The following CLSTN2 variants were observed in gnomAD, a reference collection of about 807,000 sequenced individuals.
CLSTN2 encodes the protein calsyntenin 2.
Under a neutral mutation model 101.2 loss-of-function variants are expected in CLSTN2, and 48 were observed. That is an observed-to-expected ratio of 0.47 (90% CI 0.38 to 0.60). The LOEUF (loss-of-function observed/expected upper bound fraction) is 0.60. Ranked by LOEUF, CLSTN2 falls within the 20% of genes least tolerant of loss-of-function variation. The pLI, the probability that CLSTN2 is intolerant of heterozygous loss-of-function variation, is 0.00. For missense variants in CLSTN2, 1,160 were observed against 1,238.2 expected (o/e 0.94, Z 0.95); for synonymous variants, 481 against 463.6 (o/e 1.04, Z -0.48).
chr3:140,210,395 G>C (rs965955764), intron 2 of CLSTN2, among the ~76,000 whole-genome samples: 2 of 152,208 alleles, frequency 1.3e-5, no homozygotes, highest in Non-Finnish European at 2.9e-5. Flanking sequence ...CTGTACATCT[G>C]GATGCTAAGA....
At chr3:140,094,179 A>T (rs1183681274) in intron 1 of CLSTN2, among the ~76,000 whole-genome samples, 1 of 152,160 alleles carries the variant, frequency 6.6e-6, no homozygotes, top group Non-Finnish European at 1.5e-5. Flanking sequence ...TCCTACACAC[A>T]TTTGACAGTC....
intron 2 of CLSTN2, among the ~76,000 whole-genome samples, chr3:140,351,949 G>T (rs1262792741): frequency 2.0e-5 from 3 of 151,354 alleles, no homozygotes; most frequent in Non-Finnish European, 4.4e-5. Context: ...GGACAAAACT[G>T]GAAAGTTAGA....
intron 1 of CLSTN2, among the ~76,000 whole-genome samples, chr3:140,047,025 AG>A (rs1427863694): frequency 3.9e-5 from 6 of 152,336 alleles, no homozygotes; most frequent in Admixed American, 2.6e-4. Context: ...ATGAAGAAAA[AG>A]TCAAGAATAT....
intron 2 of CLSTN2, among the ~76,000 whole-genome samples, chr3:140,377,793 A>C (rs1370232179): frequency 6.6e-6 from 1 of 152,176 alleles, no homozygotes; most frequent in Non-Finnish European, 1.5e-5. Context: ...TGTTTAGCAC[A>C]TTTAGTGTAG....
chr3:140,262,774 G>C (rs1005547008), intron 2 of CLSTN2, among the ~76,000 whole-genome samples: 7 of 152,122 alleles, frequency 4.6e-5, no homozygotes, highest in Admixed American at 3.9e-4. Flanking sequence ...TCTGGAAGCA[G>C]TCAACAAAGA....
intron 1 of CLSTN2, among the ~76,000 whole-genome samples, chr3:139,941,335 G>A (rs112096463): frequency 0.047 from 7,123 of 152,164 alleles, 215 homozygotes; most frequent in African/African-American, 0.08. Flanking sequence ...ATTGGTCAGA[G>A]GAGAATGGTT....
chr3:140,305,162 C>A (rs530590197), intron 2 of CLSTN2, among the ~76,000 whole-genome samples: 3 of 151,858 alleles, frequency 2.0e-5, no homozygotes, highest in African/African-American at 7.3e-5. Flanking sequence ...GCCTCCACTC[C>A]GTGCTGAGGA....
intron 2 of CLSTN2, among the ~76,000 whole-genome samples, chr3:140,348,367 G>T (rs6766533): frequency 6.6e-6 from 1 of 151,864 alleles, no homozygotes; most frequent in Non-Finnish European, 1.5e-5. Context: ...TGCTCTGATC[G>T]CCCTTATATT....
intron 2 of CLSTN2, among the ~76,000 whole-genome samples, chr3:140,186,185 A>G (rs940360835): frequency 2.0e-5 from 3 of 152,186 alleles, no homozygotes. Context: ...TCATCATAGC[A>G]AAATCAATGA....
At chr3:140,525,908 A>T (rs2107776065) in intron 8 of CLSTN2, among the ~76,000 whole-genome samples, 1 of 152,268 alleles carries the variant, frequency 6.6e-6, no homozygotes, top group South Asian at 2.1e-4. Flanking sequence ...ACTAGGCATC[A>T]AAGGATCATA....
At position 140,270,845 on chromosome 3, in the gene CLSTN2, T is replaced by A. The variant is rs576067263; in HGVS notation, c.232+94772T>A. Among the ~76,000 whole-genome samples, 19 of 152,280 alleles carry A rather than the reference T, an allele frequency of 1.2e-4. No individual in the cohort carries two copies. The South Asian group carries it at 3.7e-3, about 30-fold the overall frequency. ...GGTAGCAGAACTCCGGTACCTGTAG[T>A]CCAGAGCAGTCTGTGGCCCCAAGGG... On this transcript the variant is annotated intron_variant, in intron 2 of 16. Coordinates refer to ENST00000458420, the MANE Select transcript of CLSTN2 (RefSeq NM_022131.3).
intron 2 of CLSTN2, among the ~76,000 whole-genome samples, chr3:140,351,325 T>A (rs1032418078): frequency 1.3e-5 from 2 of 152,150 alleles, no homozygotes; most frequent in Non-Finnish European, 2.9e-5. Context: ...AAAGGAAAGC[T>A]GAGAAGAGAT....
chr3:140,067,427 T>C (rs150948064), intron 1 of CLSTN2, among the ~76,000 whole-genome samples: 16 of 152,314 alleles, frequency 1.1e-4, no homozygotes, highest in African/African-American at 3.8e-4. Flanking sequence ...TCTGTGCCGA[T>C]ATTGCCCCTG....
chr3:140,010,558 C>T (rs191386622), intron 1 of CLSTN2, among the ~76,000 whole-genome samples: 1 of 152,112 alleles, frequency 6.6e-6, no homozygotes, highest in African/African-American at 2.4e-5. Flanking sequence ...ATCAAACATC[C>T]TAGGAAGGAC....
chr3:140,241,525 C>T lies in CLSTN2; in HGVS notation c.232+65452C>T, dbSNP rs543505627. On this transcript the variant is annotated intron_variant, in intron 2 of 16. Coordinates refer to ENST00000458420, the MANE Select transcript of CLSTN2 (RefSeq NM_022131.3). ...CTTAGCTCCAATCTTGACTCATGTC[C>T]TGTAACTGTTCCTAGACCTCTTGCC... is the stretch of plus-strand genomic sequence containing the variant. Among the ~76,000 whole-genome samples the T allele has an allele frequency of 6.7e-4, 102 of 152,220 alleles. 1 individual carries two copies. In the South Asian group the frequency reaches 0.021, roughly 31 times the overall value.
At position 140,061,182 on chromosome 3, in the gene CLSTN2, A is replaced by G. The variant is rs532605251; in HGVS notation, c.110-114769A>G. Among the ~76,000 whole-genome samples the G allele has an allele frequency of 6.6e-5, 10 of 152,274 alleles. No homozygotes were observed. The South Asian group carries it at 2.1e-3, about 32-fold the overall frequency. ...ATTTTCTCAAAGTGAGCTTTTCTGA[A>G]TCAACTTCTATTTTGCAACCAATGT... On this transcript the variant is annotated intron_variant, in intron 1 of 16. Transcript: ENST00000458420.
chr3:140,558,835 C>A lies in CLSTN2; in HGVS notation c.2019C>A (p.Ala673=). 1 of 1,613,822 alleles carries A rather than the reference C, an allele frequency of 6.2e-7. No individual in the cohort carries two copies. The highest frequency in any genetic ancestry group is 1.7e-5 in the Admixed American group (1 of 60,006). ...KIVSTFAKTE[A]PGDVKTTDPK... ...TGAGCACCTTCGCCAAAACCGAAGC[C>A]CCCGGGGACGTGAAAACCACAGGTA... The change falls in exon 12 of 17, where the codon GCC becomes GCA. Residue 673 remains alanine, a synonymous_variant. Coordinates refer to ENST00000458420, the MANE Select transcript of CLSTN2 (RefSeq NM_022131.3).
chr3:140,433,712 A>G (rs775045001), intron 5 of CLSTN2, among the ~76,000 whole-genome samples: 21 of 152,208 alleles, frequency 1.4e-4, no homozygotes, highest in Non-Finnish European at 2.6e-4. Context: ...CCTATCGCAG[A>G]GGGTTGTCAC....
intron 8 of CLSTN2, among the ~76,000 whole-genome samples, chr3:140,482,483 C>T (rs943544357): frequency 5.9e-5 from 9 of 152,180 alleles, no homozygotes; most frequent in Non-Finnish European, 1.5e-5. Flanking sequence ...AGGATTCCCT[C>T]TTTTTCTATT....
Sources: gnomAD v4.1 joint callset for allele counts (sites outside exome capture counted in the v4.1 genomes callset) on GRCh38, gnomAD v4.1.1 for gene constraint, MANE v1.5 for transcripts, NCBI Gene and HGNC (gene_info 2026-07-23, HGNC 2026-07-21) for gene names.